EVL: variants seen among roughly 807,000 people sequenced by gnomAD.
EVL encodes ena/VASP-like protein.
A neutral mutation model predicts 59.6 loss-of-function variants in EVL; 21 were observed. The ratio of observed to expected loss-of-function variants is 0.35; its 90% CI spans 0.25 to 0.51. The LOEUF is 0.51. Ranked by LOEUF, EVL falls within the 20% of genes least tolerant of loss-of-function variation. EVL has a pLI of 0.97. For missense variants in EVL, 462 were observed against 546.6 expected, an observed-to-expected ratio of 0.85 and a Z score of 1.54; for synonymous variants, 198 against 203.5, an observed-to-expected ratio of 0.97 and a Z score of 0.23.
intron 1 of EVL, among the ~76,000 whole-genome samples, chr14:100,051,800 C>T (rs753508846): frequency 2.4e-4 from 36 of 152,170 alleles, no homozygotes; most frequent in Admixed American, 5.2e-4. Flanking sequence ...TTCTAACTTC[C>T]GTGTATATTC....
At chr14:100,064,119 C>A (rs911259691), upstream of EVL, among the ~76,000 whole-genome samples, 29 of 152,158 alleles carry the variant, frequency 1.9e-4, 3 homozygotes, top group Admixed American at 1.8e-3. Flanking sequence ...TCATTAAAAG[C>A]CTTTTAAAAT....
At chr14:100,010,120 G>A (rs563354118) in intron 1 of EVL, among the ~76,000 whole-genome samples, 2 of 152,188 alleles carry the variant, frequency 1.3e-5, no homozygotes, top group African/African-American at 4.8e-5. Flanking sequence ...AAAAGAGGGG[G>A]TTCTCTATAG....
intron 1 of EVL, among the ~76,000 whole-genome samples, chr14:100,004,232 C>CA (rs1220598997): frequency 7.9e-5 from 12 of 152,064 alleles, no homozygotes; most frequent in Non-Finnish European, 1.6e-4. Context: ...AACCAACAAA[C>CA]AAATGTTAGC....
intron 1 of EVL, among the ~76,000 whole-genome samples, chr14:100,017,335 C>G (rs1291205377): frequency 1.3e-5 from 2 of 152,152 alleles, no homozygotes; most frequent in Non-Finnish European, 2.9e-5. Flanking sequence ...GAGGTCCCCA[C>G]AAAATTAAAT....
intron 1 of EVL, among the ~76,000 whole-genome samples, chr14:100,029,826 A>G (rs898755711): frequency 1.3e-5 from 2 of 152,234 alleles, no homozygotes; most frequent in Middle Eastern, 3.4e-3. Context: ...TTCTCAGGGT[A>G]TAACCCAGGT....
chr14:99,990,328 CTT>C (rs1272524687), intron 1 of EVL, among the ~76,000 whole-genome samples: 1 of 152,104 alleles, frequency 6.6e-6, no homozygotes, highest in Non-Finnish European at 1.5e-5. Context: ...AGTGTTCGCT[CTT>C]TTTTAATTTT....
exon 1 of EVL, chr14:99,971,577 C>G (rs1031370040): frequency 1.3e-5 from 2 of 151,692 alleles, no homozygotes; most frequent in African/African-American, 4.8e-5. Context: ...CAGCAACGCG[C>G]GTACCCTAGC....
In EVL at chr14:100,129,806, CA is replaced by C. The variant is rs1418662007; in HGVS notation, c.839+123del. 24 of 1,364,186 alleles carry C rather than the reference CA, an allele frequency of 1.8e-5. No individual in the cohort carries two copies. In the South Asian group the frequency reaches 3.7e-4, roughly 21 times the overall value. The allele number at this position is 1,364,186 out of a possible 1,614,324, so 84.5% of individuals were successfully genotyped here. A position where few individuals can be genotyped will look rare whatever the true frequency, so the allele number is the denominator to read the frequency against. On this transcript the variant is annotated intron_variant, in intron 7 of 13. Coordinates refer to ENST00000392920, the MANE Select transcript of EVL (RefSeq NM_016337.3). ...TCTTTGTTCCCTGGGTTTAGCCAAG[CA>C]GGGGAAACTGTTACTTAAGTTTTCC...
chr14:100,018,230 G>C (rs959106148), intron 1 of EVL, among the ~76,000 whole-genome samples: 1 of 152,312 alleles, frequency 6.6e-6, no homozygotes, highest in African/African-American at 2.4e-5. Flanking sequence ...TCAGCCCCTC[G>C]GAGAGGGAGC....
At chr14:100,057,690 T>C (rs1188178563) in intron 1 of EVL, among the ~76,000 whole-genome samples, 6 of 152,210 alleles carry the variant, frequency 3.9e-5, no homozygotes, top group African/African-American at 1.4e-4. Flanking sequence ...GTGTAAACTT[T>C]TTAAAGAAAT....
chr14:100,118,892 G>A (rs1198804336), intron 3 of EVL, among the ~76,000 whole-genome samples: 1 of 152,236 alleles, frequency 6.6e-6, no homozygotes, highest in African/African-American at 2.4e-5. Context: ...TGGAAAGTGG[G>A]CCTCCAAGAC....
At chr14:100,100,379 G>C (rs1156484892) in intron 3 of EVL, among the ~76,000 whole-genome samples, 2 of 152,156 alleles carry the variant, frequency 1.3e-5, no homozygotes, top group Non-Finnish European at 2.9e-5. Context: ...AGGTCCTGCA[G>C]CCCACTGACG....
intron 1 of EVL, among the ~76,000 whole-genome samples, chr14:100,026,840 C>G (rs1390913153): frequency 6.6e-6 from 1 of 152,202 alleles, no homozygotes; most frequent in South Asian, 2.1e-4. Context: ...AAGTAAGTCA[C>G]AGTCCCTAAC....
At position 100,047,118 on chromosome 14, in the gene EVL, C is replaced by CTTTTTTTTT. The variant is rs869205625; in HGVS notation, c.6-37550_6-37542dup. Among the ~76,000 whole-genome samples the CTTTTTTTTT allele has an allele frequency of 6.7e-4, 16 of 23,906 alleles. 1 individual carries two copies. The highest frequency in any genetic ancestry group is 1.8e-3 in the African/African-American group (13 of 7,306). The allele number at this position is 23,906 out of a possible 152,430, so 15.7% of individuals were successfully genotyped here. ...TGAGACCTTGGGCAGATCTCTCTCT[C>CTTTTTTTTT]TTTTTTTTTTTTTTTTTTTTTTTTT... On this transcript the variant is annotated intron_variant, in intron 1 of 13. Transcript: ENST00000402714.
intron 1 of EVL, among the ~76,000 whole-genome samples, chr14:100,052,444 A>G (rs1291747650): frequency 6.6e-6 from 1 of 152,124 alleles, no homozygotes; most frequent in Non-Finnish European, 1.5e-5. Flanking sequence ...AAAATTGTAG[A>G]TGTCACCTTA....
chr14:100,113,956 G>A (rs1238693386), intron 3 of EVL, among the ~76,000 whole-genome samples: 2 of 152,132 alleles, frequency 1.3e-5, no homozygotes, highest in Admixed American at 6.5e-5. Context: ...GCCAAGGAAT[G>A]GCCTGGAAGA....
chr14:100,128,835 C>A, intron 6 of EVL, 87 bp downstream of exon 6: 2 of 1,183,872 alleles, frequency 1.7e-6, no homozygotes, highest in South Asian at 1.3e-5. Context: ...CCCGCATCTG[C>A]GAGACACAGC....
chr14:99,978,516 A>T (rs1388955294), intron 1 of EVL, among the ~76,000 whole-genome samples: 2 of 151,998 alleles, frequency 1.3e-5, no homozygotes, highest in African/African-American at 2.4e-5. Context: ...ACAGATTTTT[A>T]AAATTGCTAC....
At chr14:99,976,528 C>T (rs772305962) in intron 1 of EVL, among the ~76,000 whole-genome samples, 3 of 151,708 alleles carry the variant, frequency 2.0e-5, no homozygotes, top group Non-Finnish European at 2.9e-5. Flanking sequence ...GTCTTGTCTC[C>T]TTATGTGCCT....
Sources: allele counts gnomAD v4.1 joint callset (sites outside exome capture counted in the v4.1 genomes callset), GRCh38; gene constraint gnomAD v4.1.1; transcripts MANE v1.5; gene names NCBI Gene and HGNC (gene_info 2026-07-23, HGNC 2026-07-21).